Variants in MTF1 observed in about 807,000 individuals in gnomAD.
MTF1 encodes the protein metal regulatory transcription factor 1.
Under a neutral mutation model 70.4 loss-of-function variants are expected in MTF1, and 22 were observed. The ratio of observed to expected loss-of-function variants is 0.31; its 90% CI spans 0.22 to 0.45. The LOEUF (loss-of-function observed/expected upper bound fraction) is 0.45. Ranked by LOEUF, MTF1 falls within the 20% of genes least tolerant of loss-of-function variation. The probability of loss-of-function intolerance (pLI) is 1.00; values close to 1 mark genes in which losing one functional copy is unlikely to be tolerated. For missense variants in MTF1, 649 were observed against 922.0 expected (o/e 0.70, Z 3.83); for synonymous variants, 333 against 352.8 (o/e 0.94, Z 0.63).
In MTF1 at chr1:37,857,634, T is replaced by G; in HGVS notation, c.25A>C (p.Asn9His). Residue 9 changes from asparagine (N) to histidine (H), a missense_variant, in exon 2 of 11, where the codon AAC (asparagine) becomes CAC (histidine). Transcript: ENST00000373036. ...TCCTCTGCCTCAAAGTAGATGATGT[T>G]GTTGTCTGGACTGTGTTCCCCCATG... is the stretch of plus-strand genomic sequence containing the variant. MGEHSPDNNIIYFEAEEDE... is the reference protein window; with the variant it reads MGEHSPDNHIIYFEAEEDE... The G allele has an allele frequency of 6.2e-7, 1 of 1,613,976 alleles. No individual in the cohort carries two copies. The highest frequency in any genetic ancestry group is 8.5e-7 in the Non-Finnish European group (1 of 1,180,022).
At position 37,838,461 on chromosome 1, in the gene MTF1, C is replaced by G. The variant is rs112376079; in HGVS notation, c.779+164G>C. ...GATGTTCTTGGACTCCATCAGCACC[C>G]CTCTAATCTGCAGTGGTTGGTTATA... On this transcript the variant is annotated intron_variant, in intron 4 of 10. Transcript: ENST00000373036. Among the ~76,000 whole-genome samples the G allele has an allele frequency of 4.6e-5, 7 of 152,252 alleles. 1 individual carries two copies. Among genetic ancestry groups the G allele is most frequent in the African/African-American group, 1.7e-4 (7 of 41,546 alleles).
chr1:37,858,094 G>A lies in MTF1; in HGVS notation c.-51-385C>T, dbSNP rs1032016720. On this transcript the variant is annotated intron_variant, in intron 1 of 10. Transcript: ENST00000373036. ...TAAGTTCATAAGACCTTCTGAATACGCCTGTCAAACAATTTGAAACTTGGT... is the reference window on the plus strand; with the variant it reads ...TAAGTTCATAAGACCTTCTGAATACACCTGTCAAACAATTTGAAACTTGGT... Among the ~76,000 whole-genome samples the A allele has an allele frequency of 2.6e-5, 4 of 151,884 alleles. 1 individual carries two copies. Among genetic ancestry groups the A allele is most frequent in the Non-Finnish European group, 5.9e-5 (4 of 67,992 alleles).
chr1:37,836,510 T>C (rs1283383516), intron 4 of MTF1, among the ~76,000 whole-genome samples: 1 of 152,222 alleles, frequency 6.6e-6, no homozygotes, highest in East Asian at 1.9e-4. Flanking sequence ...TACTTCATTC[T>C]CTTTTACTGT....
In MTF1 at chr1:37,815,444, C is replaced by T; in HGVS notation, c.1954G>A (p.Gly652Ser). ...TCTGGAGGGGGTGGGGAGGAGCAGC[C>T]CTTTCTCCTGCTGGATGCCCGCTCC... ...AKERASSRRK[G>S]CSSPPPPEPS... The change falls in exon 11 of 11, where the codon GGC becomes AGC. Residue 652 changes from glycine to serine, a missense_variant. By Grantham distance (56) the Gly-to-Ser change is moderately conservative. Transcript: ENST00000373036. This position sits in a 1 kb window ranked among gnomAD's most constrained non-coding sequence, Gnocchi z 4.5. The T allele has an allele frequency of 1.2e-6, 2 of 1,610,048 alleles. No homozygotes were observed. Among genetic ancestry groups the T allele is most frequent in the Non-Finnish European group, 1.7e-6 (2 of 1,177,798 alleles).
rs1040763497 is a variant in MTF1 at position 37,812,421 on chromosome 1, A to G, written c.*2715T>C. 1 of 152,230 alleles carries G rather than the reference A, an allele frequency of 6.6e-6. No homozygotes were observed. Among genetic ancestry groups the G allele is most frequent in the Admixed American group, 6.5e-5 (1 of 15,276 alleles). 9.4% of individuals were successfully genotyped at this position (152,230 alleles called of 1,614,324 possible). ...ATTTTAAGCACATTCCTGATTTTTC[A>G]AAAGCTGATTGGATCTGATAGTCTC... On this transcript the variant is annotated 3_prime_UTR_variant, in exon 11 of 11. Coordinates refer to ENST00000373036, the MANE Select transcript of MTF1 (RefSeq NM_005955.3).
intron 4 of MTF1, 53 bp from the exon 5 acceptor site, chr1:37,835,797 C>A: frequency 6.9e-7 from 1 of 1,457,910 alleles, no homozygotes. Flanking sequence ...AGATCTTTAT[C>A]CTGAACGTCT....
chr1:37,830,631 C>T (rs969435685), intron 7 of MTF1, among the ~76,000 whole-genome samples: 6 of 152,194 alleles, frequency 3.9e-5, no homozygotes, highest in Non-Finnish European at 7.3e-5. Flanking sequence ...TGTTTCTTCA[C>T]GTGTTTACTA....
chr1:37,838,552 G>GAA (rs1166140712), intron 4 of MTF1, 73 bp downstream of exon 4: 1 of 1,375,938 alleles, frequency 7.3e-7, no homozygotes, highest in African/African-American at 1.4e-5. Context: ...TTTCTTTTTT[G>GAA]AAAAATTCCA....
chr1:37,818,709 A>C (rs530203265), intron 9 of MTF1, among the ~76,000 whole-genome samples: 2 of 148,056 alleles, frequency 1.4e-5, no homozygotes, highest in East Asian at 4.0e-4. Context: ...ATCTCAAAAA[A>C]AAAGGCCAGG....
chr1:37,840,431 A>G lies in MTF1; in HGVS notation c.409-273T>C. The G allele has an allele frequency of 1.9e-6, 1 of 534,102 alleles. No homozygotes were observed. The highest frequency in any genetic ancestry group is 1.6e-5 in the South Asian group (1 of 62,146). The allele number at this position is 534,102 out of a possible 1,614,324, so 33.1% of individuals were successfully genotyped here. ...AAGAATGTTTTCAGACTCTATATAC[A>G]TCTACCCACTAAAAGTACACTATAC... is the stretch of plus-strand genomic sequence containing the variant. On this transcript the variant is annotated intron_variant, in intron 2 of 10. Coordinates refer to ENST00000373036, the MANE Select transcript of MTF1 (RefSeq NM_005955.3). The surrounding 1 kb of genome is among the most constrained non-coding windows in gnomAD (Gnocchi z 4.5).
At chr1:37,844,614 G>C (rs1337035066) in intron 2 of MTF1, among the ~76,000 whole-genome samples, 2 of 152,168 alleles carry the variant, frequency 1.3e-5, no homozygotes, top group Admixed American at 6.5e-5. Flanking sequence ...GGATAAAGGA[G>C]TCTGCATGTA....
Position 37,816,396 on chromosome 1 carries a change from C to T in MTF1, c.1832-830G>A, listed in dbSNP as rs1011296654. Among the ~76,000 whole-genome samples, 5 of 151,844 alleles carry T rather than the reference C, an allele frequency of 3.3e-5. No individual in the cohort carries two copies. In the East Asian group the frequency reaches 7.8e-4, roughly 24 times the overall value. On this transcript the variant is annotated intron_variant, in intron 10 of 10. Transcript: ENST00000373036. ...TACACATAATAAAGAAAAATTAGGC[C>T]GGGCGTGGTGGCTCATGCCTATAAT...
rs1369398928 is a variant in MTF1 at position 37,815,214 on chromosome 1, G to C, written c.2184C>G (p.Thr728=). 1 of 1,614,096 alleles carries C rather than the reference G, an allele frequency of 6.2e-7. No individual in the cohort carries two copies. The highest frequency in any genetic ancestry group is 1.1e-5 in the South Asian group (1 of 91,084). The part of the protein sequence containing the change: ...SEFLSLQSLD[T]PSNLIPIEAL... Reference sequence around the variant, plus strand: ...CTTCAATGGGAATCAGATTGGACGGGGTGTCCAGGCTCTGGAGGGATAGAA... The same window carrying C: ...CTTCAATGGGAATCAGATTGGACGGCGTGTCCAGGCTCTGGAGGGATAGAA... Residue 728 remains threonine, a synonymous_variant, in exon 11 of 11, where the codon ACC becomes ACG. Coordinates refer to ENST00000373036, the MANE Select transcript of MTF1 (RefSeq NM_005955.3). This position sits in a 1 kb window ranked among gnomAD's most constrained non-coding sequence, Gnocchi z 4.5.
In MTF1 at chr1:37,832,303, C is replaced by A; in HGVS notation, c.1010G>T (p.Cys337Phe). 2 of 1,612,842 alleles carry A rather than the reference C, an allele frequency of 1.2e-6. No homozygotes were observed. Among genetic ancestry groups the A allele is most frequent in the Non-Finnish European group, 1.7e-6 (2 of 1,179,214 alleles). The change falls in exon 7 of 11, where the codon TGT (cysteine) becomes TTT (phenylalanine). Residue 337 changes from cysteine (C) to phenylalanine (F), a missense_variant. By Grantham distance (205) the Cys-to-Phe change is radical. Coordinates refer to ENST00000373036, the MANE Select transcript of MTF1 (RefSeq NM_005955.3). ...GGACAGAAGGCTCAAGTCACTTAGA[C>A]AAAGTGAGTGATTTGTATCCTGTGA... Reference protein sequence around the residue: ...NGSEDTNHSLCLSDLSLLSTD... With the variant: ...NGSEDTNHSLFLSDLSLLSTD...
intron 7 of MTF1, among the ~76,000 whole-genome samples, chr1:37,827,752 A>C (rs906716237): frequency 6.6e-6 from 1 of 152,244 alleles, no homozygotes. Flanking sequence ...AGGTAGTAAC[A>C]TAATTAAAAA....
intron 7 of MTF1, 53 bp downstream of exon 7, chr1:37,832,192 G>T: frequency 8.4e-7 from 1 of 1,184,912 alleles, no homozygotes; most frequent in Non-Finnish European, 1.3e-6. Flanking sequence ...ACCAAAGGGA[G>T]TGCTTAATTC....
At chr1:37,817,846 C>T (rs1640842795) in intron 9 of MTF1, among the ~76,000 whole-genome samples, 1 of 152,180 alleles carries the variant, frequency 6.6e-6, no homozygotes, top group Non-Finnish European at 1.5e-5. Context: ...TCCCTGCTGC[C>T]CCCTAGTACT....
At chr1:37,836,941 GGGGGC>G in intron 4 of MTF1, among the ~76,000 whole-genome samples, 1 of 135,400 alleles carries the variant, frequency 7.4e-6, no homozygotes, top group Non-Finnish European at 1.6e-5. Context: ...CTACGGGAAG[GGGGGC>G]GGCGGGGAAT....
intron 9 of MTF1, among the ~76,000 whole-genome samples, chr1:37,820,104 T>C (rs1640888696): frequency 6.6e-6 from 1 of 152,020 alleles, no homozygotes; most frequent in Admixed American, 6.6e-5. Context: ...GTCACAATAC[T>C]GGAAAGCCCT....
Sources: gnomAD v4.1 joint callset for allele counts (sites outside exome capture counted in the v4.1 genomes callset) on GRCh38, gnomAD v4.1.1 for gene constraint, Gnocchi (gnomAD v3.1) non-coding constraint, MANE v1.5 for transcripts, NCBI Gene and HGNC (gene_info 2026-07-23, HGNC 2026-07-21) for gene names.